Variants in ABCC4 observed in about 807,000 individuals in gnomAD.
ABCC4 encodes the protein ATP-binding cassette sub-family C member 4.
Under a neutral mutation model 168.5 loss-of-function variants are expected in ABCC4, and 102 were observed. The ratio of observed to expected loss-of-function variants is 0.61; its 90% CI spans 0.52 to 0.71. The LOEUF (loss-of-function observed/expected upper bound fraction) is 0.71, where lower values mean the gene tolerates loss of function less well. Among genes scored for constraint, ABCC4 ranks in the 30% least tolerant of loss-of-function variants. ABCC4 has a pLI of 0.00. For synonymous variants in ABCC4, 617 were observed against 590.7 expected, an observed-to-expected ratio of 1.04 and a Z score of -0.65; for missense variants, 1,402 against 1,605.8, an observed-to-expected ratio of 0.87 and a Z score of 2.17.
chr13:95,301,246 G>A lies in ABCC4; in HGVS notation c.69C>T (p.Phe23=), dbSNP rs2041673207. The A allele has an allele frequency of 1.3e-6, 2 of 1,591,972 alleles. No homozygotes were observed. The highest frequency in any genetic ancestry group is 1.4e-5 in the African/African-American group (1 of 72,750). ...TTTCGGGCGGGGACACTCACCAGAAGAACACGCGTGAGCAGAGGTTCGCGT... is the reference window on the plus strand; with the variant it reads ...TTTCGGGCGGGGACACTCACCAGAAAAACACGCGTGAGCAGAGGTTCGCGT... ...LQDANLCSRV[F]FWWLNPLFKI... The change falls in exon 1 of 31, where the codon TTC becomes TTT. Residue 23 remains phenylalanine, a synonymous_variant. Transcript: ENST00000645237.
chr13:95,189,308 T>C (rs1392912967), intron 9 of ABCC4, among the ~76,000 whole-genome samples: 2 of 151,196 alleles, frequency 1.3e-5, no homozygotes, highest in Admixed American at 1.3e-4. Flanking sequence ...TAATTTTTTG[T>C]ATTTTTAGTA....
chr13:95,119,741 CA>C (rs1381204455), intron 19 of ABCC4, among the ~76,000 whole-genome samples: 17 of 152,036 alleles, frequency 1.1e-4, no homozygotes, highest in Admixed American at 1.1e-3. Flanking sequence ...TTTTTTGTAA[CA>C]AAAAAGTACA....
intron 1 of ABCC4, among the ~76,000 whole-genome samples, chr13:95,287,279 A>G (rs2041281833): frequency 6.8e-6 from 1 of 147,808 alleles, no homozygotes; most frequent in African/African-American, 2.5e-5. Flanking sequence ...GCAACAGAGC[A>G]AAACTCTGTC....
intron 25 of ABCC4, among the ~76,000 whole-genome samples, chr13:95,066,831 G>A (rs1327432551): frequency 2.6e-5 from 4 of 152,170 alleles, no homozygotes; most frequent in African/African-American, 9.7e-5. Context: ...GGAGACAGCG[G>A]GGAGAAGTGT....
At chr13:95,225,128 G>C (rs2039418586) in intron 4 of ABCC4, among the ~76,000 whole-genome samples, 1 of 50,924 alleles carries the variant, frequency 2.0e-5, no homozygotes, top group African/African-American at 5.4e-5. Context: ...CCCACTGTCT[G>C]TCTGTCTGTC....
chr13:95,039,862 G>A (rs1275700018), intron 29 of ABCC4, among the ~76,000 whole-genome samples: 4 of 152,184 alleles, frequency 2.6e-5, no homozygotes, highest in South Asian at 4.1e-4. Flanking sequence ...CCTGACCATA[G>A]GAAAAGAAAA....
rs574529648 is a variant in ABCC4 at position 95,258,980 on chromosome 13, A to G, written c.75-11227T>C. ...CCCGGCCTGGGGGCTACATTGGGGC[A>G]GGGTGGAGAAGGAGGTAGGCTGCTC... On this transcript the variant is annotated intron_variant, in intron 1 of 30. Transcript: ENST00000645237. Among the ~76,000 whole-genome samples the G allele has an allele frequency of 1.7e-3, 263 of 152,258 alleles. 1 individual carries two copies. Among genetic ancestry groups the G allele is most frequent in the African/African-American group, 6.1e-3 (254 of 41,558 alleles).
At chr13:95,055,168 C>G (rs2033007966) in intron 26 of ABCC4, among the ~76,000 whole-genome samples, 1 of 152,180 alleles carries the variant, frequency 6.6e-6, no homozygotes, top group Non-Finnish European at 1.5e-5. Flanking sequence ...CCTGAACAAC[C>G]ATCTAAACAA....
chr13:95,284,570 T>C (rs548611580), intron 1 of ABCC4, among the ~76,000 whole-genome samples: 2 of 152,318 alleles, frequency 1.3e-5, no homozygotes, highest in South Asian at 2.1e-4. Flanking sequence ...GAACTGACAG[T>C]GTCTAGCAGC....
chr13:95,128,647 C>A (rs2035864010), intron 19 of ABCC4, among the ~76,000 whole-genome samples: 1 of 152,158 alleles, frequency 6.6e-6, no homozygotes. Flanking sequence ...CTACCTTTCA[C>A]CCCGAAGGAG....
At chr13:95,071,097 C>T (rs1303775902) in intron 25 of ABCC4, among the ~76,000 whole-genome samples, 1 of 151,962 alleles carries the variant, frequency 6.6e-6, no homozygotes, top group Non-Finnish European at 1.5e-5. Context: ...TTGCCTGCTG[C>T]CATCCATATA....
Position 95,243,366 on chromosome 13 carries a change from A to C in ABCC4, c.306+3609T>G, listed in dbSNP as rs888527449. On this transcript the variant is annotated intron_variant, in intron 3 of 30. Coordinates refer to ENST00000645237, the MANE Select transcript of ABCC4 (RefSeq NM_005845.5). ...AACTGCAGAGATATCATTGCTATGC[A>C]AGAAACCCAGAGCCTTTGATAAGTA... Among the ~76,000 whole-genome samples, 7 of 152,246 alleles carry C rather than the reference A, an allele frequency of 4.6e-5. 1 individual carries two copies. The highest frequency in any genetic ancestry group is 1.0e-4 in the Non-Finnish European group (7 of 68,042).
chr13:95,034,370 CA>C (rs1333337770), intron 30 of ABCC4, among the ~76,000 whole-genome samples: 1 of 152,220 alleles, frequency 6.6e-6, no homozygotes, highest in African/African-American at 2.4e-5. Flanking sequence ...GGGCACACGG[CA>C]TGCACACATG....
chr13:95,048,730 C>T (rs997946561), intron 27 of ABCC4, among the ~76,000 whole-genome samples: 12 of 152,176 alleles, frequency 7.9e-5, no homozygotes, highest in Non-Finnish European at 4.4e-5. Flanking sequence ...CAATGTTGAA[C>T]ATGATTAGAT....
chr13:95,262,799 AT>A (rs1444154559), intron 1 of ABCC4, among the ~76,000 whole-genome samples: 1 of 151,796 alleles, frequency 6.6e-6, no homozygotes, highest in Non-Finnish European at 1.5e-5. Context: ...TGCCCGGCTA[AT>A]TTTTTTGTAT....
At chr13:95,088,525 A>G (rs1280731929) in intron 20 of ABCC4, among the ~76,000 whole-genome samples, 1 of 152,210 alleles carries the variant, frequency 6.6e-6, no homozygotes, top group Non-Finnish European at 1.5e-5. Context: ...TATACAGAAT[A>G]TATTCTGACA....
intron 1 of ABCC4, among the ~76,000 whole-genome samples, chr13:95,260,807 G>A (rs2040513598): frequency 6.6e-6 from 1 of 151,972 alleles, no homozygotes; most frequent in African/African-American, 2.4e-5. Flanking sequence ...ATGATGAACT[G>A]TGGAAGGCAA....
chr13:95,020,402 CCAT>C lies in ABCC4; in HGVS notation c.*1170_*1172del. 1 of 152,514 alleles carries C rather than the reference CCAT, an allele frequency of 6.6e-6. No homozygotes were observed. The highest frequency in any genetic ancestry group is 1.9e-4 in the East Asian group (1 of 5,184). 9.4% of individuals were successfully genotyped at this position (152,514 alleles called of 1,614,324 possible). ...AACTGAACTCAACATATTACAGCCACCATCATCAGGAAAAATTAAAGACTCATA... is the reference window on the plus strand; with the variant it reads ...AACTGAACTCAACATATTACAGCCACCATCAGGAAAAATTAAAGACTCATA... On this transcript the variant is annotated 3_prime_UTR_variant, in exon 31 of 31. Coordinates refer to ENST00000645237, the MANE Select transcript of ABCC4 (RefSeq NM_005845.5).
At chr13:95,266,489 T>C in intron 1 of ABCC4, among the ~76,000 whole-genome samples, 1 of 152,194 alleles carries the variant, frequency 6.6e-6, no homozygotes, top group Non-Finnish European at 1.5e-5. Flanking sequence ...ACCAAGTATG[T>C]AGGAATTTGT....
Sources: gnomAD v4.1 joint callset for allele counts (sites outside exome capture counted in the v4.1 genomes callset) on GRCh38, gnomAD v4.1.1 for gene constraint, MANE v1.5 for transcripts, NCBI Gene and HGNC (gene_info 2026-07-23, HGNC 2026-07-21) for gene names.